UNC13C: variants seen among roughly 807,000 people sequenced by gnomAD.
The protein encoded by UNC13C is protein unc-13 homolog C.
A neutral mutation model predicts 245.4 loss-of-function variants in UNC13C; 174 were observed. The observed-to-expected ratio is 0.71, with a 90% CI of 0.63 to 0.80. The LOEUF (loss-of-function observed/expected upper bound fraction) is 0.80, where lower values mean the gene tolerates loss of function less well. UNC13C is among the 30% of genes least tolerant of loss of function. The probability of loss-of-function intolerance (pLI) is 0.00; values close to 1 mark genes in which losing one functional copy is unlikely to be tolerated. For synonymous variants in UNC13C, 992 were observed against 895.1 expected (o/e 1.11, Z -1.93); for missense variants, 2,829 against 2,602.9 (o/e 1.09, Z -1.89).
At chr15:54,107,097 A>G (rs1200666970) in intron 2 of UNC13C, among the ~76,000 whole-genome samples, 1 of 152,236 alleles carries the variant, frequency 6.6e-6, no homozygotes, top group East Asian at 1.9e-4. Context: ...ACCATATCAG[A>G]AAGTTAGAAA....
intron 2 of UNC13C, among the ~76,000 whole-genome samples, chr15:54,136,068 A>T (rs895999080): frequency 1.3e-5 from 2 of 152,192 alleles, no homozygotes; most frequent in African/African-American, 4.8e-5. Context: ...TTTCCAGTGT[A>T]CAGATCTTTC....
At chr15:54,502,875 T>C (rs1227288785) in intron 22 of UNC13C, among the ~76,000 whole-genome samples, 1 of 152,126 alleles carries the variant, frequency 6.6e-6, no homozygotes, top group East Asian at 1.9e-4. Flanking sequence ...GTAGAAAGAA[T>C]GCTGAATTGA....
At chr15:53,951,714 A>T in the UNC13C span, among the ~76,000 whole-genome samples, 1 of 152,174 alleles carries the variant, frequency 6.6e-6, no homozygotes, top group African/African-American at 2.4e-5. Context: ...CCCTTCAAGG[A>T]TCCTTTTTCT....
At chr15:54,227,802 G>T (rs2045702496) in intron 4 of UNC13C, among the ~76,000 whole-genome samples, 1 of 152,208 alleles carries the variant, frequency 6.6e-6, no homozygotes, top group Non-Finnish European at 1.5e-5. Flanking sequence ...GGTCAGTCTT[G>T]AAGCCGGTAT....
At chr15:54,056,320 C>T (rs1031722084) in intron 2 of UNC13C, among the ~76,000 whole-genome samples, 31 of 152,168 alleles carry the variant, frequency 2.0e-4, no homozygotes, top group Middle Eastern at 6.8e-3. Context: ...AATGCACAAG[C>T]CTCAGTAACC....
intron 2 of UNC13C, among the ~76,000 whole-genome samples, chr15:54,051,155 T>A (rs986646311): frequency 3.3e-5 from 5 of 152,208 alleles, no homozygotes; most frequent in Non-Finnish European, 7.3e-5. Flanking sequence ...TTTTATTGCA[T>A]CTGTATTTTA....
chr15:54,242,512 TC>T (rs1425524739), intron 7 of UNC13C, among the ~76,000 whole-genome samples: 1 of 152,128 alleles, frequency 6.6e-6, no homozygotes, highest in African/African-American at 2.4e-5. Flanking sequence ...ATTTTCTCTC[TC>T]TTTTGTAAAA....
At chr15:53,903,534 G>A in the UNC13C span, among the ~76,000 whole-genome samples, 3 of 152,162 alleles carry the variant, frequency 2.0e-5, no homozygotes, top group Non-Finnish European at 2.9e-5. Context: ...TGGCCACAAG[G>A]CCAATTAGAT....
At chr15:54,425,690 G>A (rs116350570) in intron 19 of UNC13C, among the ~76,000 whole-genome samples, 4 of 151,850 alleles carry the variant, frequency 2.6e-5, no homozygotes, top group African/African-American at 9.7e-5. Context: ...TGGTAGCTAA[G>A]GTTCAGAGAA....
At chr15:54,600,843 T>C (rs1566933037) in intron 30 of UNC13C, among the ~76,000 whole-genome samples, 1 of 152,088 alleles carries the variant, frequency 6.6e-6, no homozygotes. Context: ...TGATATAGCA[T>C]TGGATACGTA....
chr15:54,020,981 TG>T (rs1200809460), intron 2 of UNC13C, among the ~76,000 whole-genome samples: 1 of 152,230 alleles, frequency 6.6e-6, no homozygotes, highest in Admixed American at 6.5e-5. Context: ...TAGTATTTTT[TG>T]CTTCTAATAC....
intron 4 of UNC13C, among the ~76,000 whole-genome samples, chr15:54,179,936 A>G (rs2141300328): frequency 6.6e-6 from 1 of 152,246 alleles, no homozygotes; most frequent in East Asian, 1.9e-4. Flanking sequence ...ACATAAGGTT[A>G]ATTTTCCAAT....
intron 25 of UNC13C, among the ~76,000 whole-genome samples, chr15:54,532,197 C>A (rs770777900): frequency 6.6e-6 from 1 of 152,080 alleles, no homozygotes; most frequent in Non-Finnish European, 1.5e-5. Flanking sequence ...TCCAATAGAC[C>A]CCACTGTGAG....
chr15:54,605,156 A>G (rs1425293973), intron 30 of UNC13C, among the ~76,000 whole-genome samples: 1 of 152,164 alleles, frequency 6.6e-6, no homozygotes, highest in Non-Finnish European at 1.5e-5. Context: ...GGAAGCTCAC[A>G]AACTGGTAAA....
chr15:54,228,742 C>G (rs925792945), intron 4 of UNC13C, among the ~76,000 whole-genome samples: 1 of 152,114 alleles, frequency 6.6e-6, no homozygotes, highest in Non-Finnish European at 1.5e-5. Flanking sequence ...ACAAAGTCCT[C>G]TTGCTCTTCC....
At chr15:53,967,695 G>A in the UNC13C span, among the ~76,000 whole-genome samples, 1 of 152,160 alleles carries the variant, frequency 6.6e-6, no homozygotes, top group South Asian at 2.1e-4. Context: ...TGATTAAGGT[G>A]GTGGCAGAAG....
chr15:54,537,975 A>T (rs1443012895), intron 26 of UNC13C, among the ~76,000 whole-genome samples: 1 of 151,460 alleles, frequency 6.6e-6, no homozygotes, highest in Non-Finnish European at 1.5e-5. Flanking sequence ...AAAACTAAAA[A>T]CAAAAAATAG....
chr15:54,612,761 A>C (rs1022893159), intron 30 of UNC13C, among the ~76,000 whole-genome samples: 8 of 151,954 alleles, frequency 5.3e-5, no homozygotes, highest in Non-Finnish European at 1.0e-4. Flanking sequence ...GCTACCCTCC[A>C]AATATGAATG....
intron 4 of UNC13C, among the ~76,000 whole-genome samples, chr15:54,167,299 G>A (rs1371059937): frequency 6.6e-6 from 1 of 151,802 alleles, no homozygotes; most frequent in Non-Finnish European, 1.5e-5. Flanking sequence ...TCAGGAGATC[G>A]AGACCATCCT....
Sources: allele counts gnomAD v4.1 joint callset (sites outside exome capture counted in the v4.1 genomes callset), GRCh38; gene constraint gnomAD v4.1.1; transcripts MANE v1.5; gene names NCBI Gene and HGNC (gene_info 2026-07-23, HGNC 2026-07-21).